ZFYVE9: variants seen among roughly 807,000 people sequenced by gnomAD.
ZFYVE9 encodes zinc finger FYVE domain-containing protein 9.
Under a neutral mutation model 126.7 loss-of-function variants are expected in ZFYVE9, and 43 were observed. That is an observed-to-expected ratio of 0.34 (90% confidence interval 0.27 to 0.44). The LOEUF (loss-of-function observed/expected upper bound fraction) is 0.44. Ranked by LOEUF, ZFYVE9 falls within the 20% of genes least tolerant of loss-of-function variation. ZFYVE9 has a pLI of 1.00. For synonymous variants in ZFYVE9, 521 were observed against 597.4 expected (o/e 0.87, Z 1.87); for missense variants, 1,476 against 1,697.0 (o/e 0.87, Z 2.29).
chr1:52,257,373 A>G lies in ZFYVE9; in HGVS notation c.2179-6400A>G, dbSNP rs554065486. ...ATTATTCCCATAAGGTCATCTGACT[A>G]GAGAATAATCAAGTTGAAATAGGAA... On this transcript the variant is annotated intron_variant, in intron 4 of 18. Transcript: ENST00000287727. Among the ~76,000 whole-genome samples the G allele has an allele frequency of 5.3e-5, 8 of 152,354 alleles. No individual in the cohort carries two copies. In the East Asian group the frequency reaches 1.5e-3, roughly 29 times the overall value.
intron 1 of ZFYVE9, among the ~76,000 whole-genome samples, chr1:52,203,914 C>T (rs909957432): frequency 5.3e-5 from 8 of 151,938 alleles, no homozygotes; most frequent in Non-Finnish European, 8.8e-5. Flanking sequence ...CTTTTTGGTT[C>T]TTTCTTAGAA....
At chr1:52,163,990 T>A (rs1644487152) in intron 1 of ZFYVE9, among the ~76,000 whole-genome samples, 1 of 152,040 alleles carries the variant, frequency 6.6e-6, no homozygotes, top group Admixed American at 6.6e-5. Context: ...GTCTCACTGT[T>A]GCCCAGGCTG....
intron 1 of ZFYVE9, among the ~76,000 whole-genome samples, chr1:52,210,663 C>A (rs542874524): frequency 6.6e-5 from 10 of 151,960 alleles, no homozygotes; most frequent in African/African-American, 1.9e-4. Context: ...CTCTCTCTCT[C>A]TATTTTTTTG....
intron 1 of ZFYVE9, among the ~76,000 whole-genome samples, chr1:52,148,791 G>A (rs571891612): frequency 1.2e-3 from 184 of 151,056 alleles, no homozygotes; most frequent in African/African-American, 4.2e-3. Flanking sequence ...ACAGGTGCGC[G>A]CCACCATGCC....
chr1:52,211,568 G>A lies in ZFYVE9; in HGVS notation c.-142-4801G>A, dbSNP rs187336925. 2.6e-5 allele frequency among the ~76,000 whole-genome samples: 4 copies of A among 152,268 alleles called. No individual in the cohort carries two copies. The East Asian group carries it at 5.8e-4, about 22-fold the overall frequency. ...TTTACTGAGCCGGGTACAGTGGTGT[G>A]TACCTGCAGTCGTAGCTACTCCCAG... On this transcript the variant is annotated intron_variant, in intron 1 of 18. Transcript: ENST00000287727.
At chr1:52,289,888 A>C (rs1250765689) in intron 10 of ZFYVE9, among the ~76,000 whole-genome samples, 1 of 152,238 alleles carries the variant, frequency 6.6e-6, no homozygotes, top group Non-Finnish European at 1.5e-5. Flanking sequence ...GAAGAGGCAG[A>C]AAGGAAATCA....
chr1:52,266,965 AC>A, intron 6 of ZFYVE9, 134 bp downstream of exon 6: 2 of 781,858 alleles, frequency 2.6e-6, no homozygotes, highest in Non-Finnish European at 3.8e-6. Context: ...AAATGGAACA[AC>A]AAGGTGAGAA....
At chr1:52,170,470 A>G (rs1351239556) in intron 1 of ZFYVE9, among the ~76,000 whole-genome samples, 1 of 151,630 alleles carries the variant, frequency 6.6e-6, no homozygotes, top group Admixed American at 6.6e-5. Flanking sequence ...TTTTCCTTTT[A>G]ATTTTCAAAT....
At chr1:52,228,610 A>G (rs1320107402) in intron 2 of ZFYVE9, among the ~76,000 whole-genome samples, 6 of 152,202 alleles carry the variant, frequency 3.9e-5, no homozygotes, top group African/African-American at 1.2e-4. Context: ...AGACAACACA[A>G]CACTTCTTCC....
intron 9 of ZFYVE9, among the ~76,000 whole-genome samples, chr1:52,281,277 C>T (rs904673813): frequency 5.9e-5 from 9 of 151,726 alleles, no homozygotes; most frequent in Non-Finnish European, 1.2e-4. Flanking sequence ...GGACTACAGG[C>T]GCCCGCCACT....
At chr1:52,323,404 A>G (rs1182503849) in intron 13 of ZFYVE9, among the ~76,000 whole-genome samples, 2 of 151,974 alleles carry the variant, frequency 1.3e-5, no homozygotes, top group Non-Finnish European at 1.5e-5. Flanking sequence ...TTATTTGTTT[A>G]TTGTTTTTGT....
chr1:52,233,942 G>A (rs967187979), intron 3 of ZFYVE9, among the ~76,000 whole-genome samples: 1 of 152,068 alleles, frequency 6.6e-6, no homozygotes, highest in Non-Finnish European at 1.5e-5. Context: ...CACCATGCCT[G>A]GCTAATTTTT....
chr1:52,161,223 ATACT>A (rs746712039), intron 1 of ZFYVE9, among the ~76,000 whole-genome samples: 19 of 152,212 alleles, frequency 1.2e-4, no homozygotes, highest in Non-Finnish European at 1.5e-5. Flanking sequence ...GATTAAGGGA[ATACT>A]TAAACTTCAA....
intron 1 of ZFYVE9, among the ~76,000 whole-genome samples, chr1:52,211,081 C>T (rs933290892): frequency 2.6e-5 from 4 of 152,130 alleles, no homozygotes; most frequent in African/African-American, 9.7e-5. Context: ...GTGGGCTTTC[C>T]GTGTGGTTTC....
Position 52,346,330 on chromosome 1 carries a change from G to A in ZFYVE9, c.*109G>A. 8.4e-7 allele frequency: 1 copy of A among 1,189,716 alleles called. No individual in the cohort carries two copies. The highest frequency in any genetic ancestry group is 1.1e-6 in the Non-Finnish European group (1 of 873,496). 73.7% of individuals were successfully genotyped at this position (1,189,716 alleles called of 1,614,324 possible). On this transcript the variant is annotated 3_prime_UTR_variant, in exon 19 of 19. Transcript: ENST00000287727. ...TTAAGCTTTTGTTAACACTATTAAT[G>A]GGGTGGGGAATAGGGTGGGAGTGGG...
intron 13 of ZFYVE9, among the ~76,000 whole-genome samples, chr1:52,304,648 A>T (rs1646065366): frequency 6.6e-6 from 1 of 151,844 alleles, no homozygotes; most frequent in African/African-American, 2.4e-5. Context: ...TAGCCACTAA[A>T]TCATTTATGC....
intron 1 of ZFYVE9, among the ~76,000 whole-genome samples, chr1:52,177,358 C>G (rs868024395): frequency 3.0e-4 from 46 of 152,152 alleles, no homozygotes; most frequent in African/African-American, 1.1e-3. Context: ...CCATCTTGGC[C>G]AGGCTGGTCT....
chr1:52,266,405 TAAA>T (rs33996604), intron 5 of ZFYVE9, among the ~76,000 whole-genome samples: 5,616 of 85,308 alleles, frequency 0.066, 168 homozygotes, highest in East Asian at 0.16. Context: ...TCTAATTCTT[TAAA>T]AAAAAAAAAA....
At chr1:52,306,370 C>T (rs190991336) in intron 13 of ZFYVE9, among the ~76,000 whole-genome samples, 1 of 152,172 alleles carries the variant, frequency 6.6e-6, no homozygotes, top group East Asian at 1.9e-4. Context: ...AGGGCCGCCT[C>T]TCTGCTGAGA....
Sources: allele counts gnomAD v4.1 joint callset (sites outside exome capture counted in the v4.1 genomes callset), GRCh38; gene constraint gnomAD v4.1.1; transcripts MANE v1.5; gene names NCBI Gene and HGNC (gene_info 2026-07-23, HGNC 2026-07-21).